The following SHROOM3 variants were observed in gnomAD, a reference collection of about 807,000 sequenced individuals.
SHROOM3 encodes the protein protein Shroom3.
In SHROOM3, 47 loss-of-function variants were observed where a neutral mutation model predicts 138.6. The ratio of observed to expected loss-of-function variants is 0.34; its 90% CI spans 0.27 to 0.43. The LOEUF (loss-of-function observed/expected upper bound fraction) is 0.43, where lower values mean the gene tolerates loss of function less well. Ranked by LOEUF, SHROOM3 falls within the 20% of genes least tolerant of loss-of-function variation. The pLI is 1.00. For synonymous variants in SHROOM3, 1,062 were observed against 1,063.3 expected, an observed-to-expected ratio of 1.00 and a Z score of 0.02; for missense variants, 2,491 against 2,596.5, an observed-to-expected ratio of 0.96 and a Z score of 0.88.
chr4:76,513,171 G>A (rs888337716), intron 1 of SHROOM3, among the ~76,000 whole-genome samples: 1 of 152,088 alleles, frequency 6.6e-6, no homozygotes, highest in African/African-American at 2.4e-5. Context: ...CTACTGTCGG[G>A]TCTTTCATGA....
chr4:76,694,518 A>T (rs1383721872), intron 2 of SHROOM3, among the ~76,000 whole-genome samples: 1 of 152,192 alleles, frequency 6.6e-6, no homozygotes, highest in Non-Finnish European at 1.5e-5. Flanking sequence ...GCAAAAACAA[A>T]ATGGTCTTAT....
intron 2 of SHROOM3, among the ~76,000 whole-genome samples, chr4:76,702,395 T>A (rs1380292605): frequency 6.6e-6 from 1 of 152,250 alleles, no homozygotes; most frequent in Non-Finnish European, 1.5e-5. Context: ...AAGTTTCAGT[T>A]CTACGGGTAA....
At chr4:76,468,918 C>T (rs1731305678) in intron 1 of SHROOM3, among the ~76,000 whole-genome samples, 1 of 151,830 alleles carries the variant, frequency 6.6e-6, no homozygotes, top group Admixed American at 6.6e-5. Context: ...ACTGTAGTCC[C>T]AGCTACTCGG....
At chr4:76,718,646 T>C (rs1720450736) in intron 3 of SHROOM3, among the ~76,000 whole-genome samples, 3 of 152,086 alleles carry the variant, frequency 2.0e-5, no homozygotes. Flanking sequence ...AATAGAGAAG[T>C]GAAAAATATA....
At chr4:76,442,472 C>T (rs1216960820) in intron 1 of SHROOM3, among the ~76,000 whole-genome samples, 9 of 141,930 alleles carry the variant, frequency 6.3e-5, no homozygotes, top group African/African-American at 1.8e-4. Flanking sequence ...TGCAGTGGTG[C>T]GATCTCGGGT....
chr4:76,663,677 A>C (rs1392105742), intron 2 of SHROOM3, among the ~76,000 whole-genome samples: 1 of 152,190 alleles, frequency 6.6e-6, no homozygotes, highest in East Asian at 1.9e-4. Context: ...TTATAGGTGC[A>C]CACTGCTGCG....
chr4:76,603,492 T>C (rs1203666825), intron 2 of SHROOM3, among the ~76,000 whole-genome samples: 1 of 152,154 alleles, frequency 6.6e-6, no homozygotes, highest in Non-Finnish European at 1.5e-5. Flanking sequence ...AGGACATCTA[T>C]TGATTGATTT....
intron 2 of SHROOM3, among the ~76,000 whole-genome samples, chr4:76,592,597 C>T (rs182879248): frequency 6.6e-6 from 1 of 152,282 alleles, no homozygotes; most frequent in East Asian, 1.9e-4. Flanking sequence ...TATATCGTCA[C>T]ACGTACAGAG....
At chr4:76,489,131 G>C (rs1731796760) in intron 1 of SHROOM3, among the ~76,000 whole-genome samples, 1 of 152,190 alleles carries the variant, frequency 6.6e-6, no homozygotes, top group African/African-American at 2.4e-5. Context: ...CATGACCTTT[G>C]CTGCTTGAAT....
intron 3 of SHROOM3, among the ~76,000 whole-genome samples, chr4:76,723,683 G>A (rs1720615936): frequency 6.6e-6 from 1 of 152,166 alleles, no homozygotes; most frequent in African/African-American, 2.4e-5. Flanking sequence ...AGATGCCTGG[G>A]TTTAGTAGCT....
At chr4:76,475,638 A>C (rs1483305555) in intron 1 of SHROOM3, among the ~76,000 whole-genome samples, 2 of 152,234 alleles carry the variant, frequency 1.3e-5, no homozygotes, top group Non-Finnish European at 1.5e-5. Flanking sequence ...CCTGTTTCTC[A>C]CATTGCTTTT....
chr4:76,524,428 G>T (rs937524707), intron 1 of SHROOM3, among the ~76,000 whole-genome samples: 2 of 152,204 alleles, frequency 1.3e-5, no homozygotes, highest in African/African-American at 4.8e-5. Context: ...ACTGACTGGG[G>T]TGGACAGGAG....
chr4:76,469,126 T>C (rs111557937), intron 1 of SHROOM3, among the ~76,000 whole-genome samples: 1 of 151,592 alleles, frequency 6.6e-6, no homozygotes, highest in Non-Finnish European at 1.5e-5. Context: ...TACTTGAACC[T>C]GGGAGGCGGA....
intron 2 of SHROOM3, among the ~76,000 whole-genome samples, chr4:76,681,044 T>C (rs953935865): frequency 6.6e-6 from 1 of 152,294 alleles, no homozygotes; most frequent in Admixed American, 6.5e-5. Flanking sequence ...AAAGTACAGA[T>C]CTTGAAGATG....
intron 2 of SHROOM3, among the ~76,000 whole-genome samples, chr4:76,659,530 C>T (rs948190321): frequency 1.3e-5 from 2 of 152,190 alleles, no homozygotes; most frequent in Non-Finnish European, 2.9e-5. Flanking sequence ...ATGTAACAAG[C>T]ACCAAAGTAT....
Position 76,767,688 on chromosome 4 carries a change from AAAC to A in SHROOM3, c.5350-2932_5350-2930del, listed in dbSNP as rs567448457. Reference sequence around the variant, plus strand: ...AGTGAAACTCCATCTCAAAAAAACAAAACAACAAAAAAAGCAGCCTCTAAGAGC... The same window carrying A: ...AGTGAAACTCCATCTCAAAAAAACAAAACAAAAAAAGCAGCCTCTAAGAGC... On this transcript the variant is annotated intron_variant, in intron 9 of 10. Coordinates refer to ENST00000296043, the MANE Select transcript of SHROOM3 (RefSeq NM_020859.4). Among the ~76,000 whole-genome samples the A allele has an allele frequency of 2.5e-3, 387 of 152,274 alleles. 2 individuals are homozygous for A. Among genetic ancestry groups the A allele is most frequent in the African/African-American group, 6.4e-3 (266 of 41,556 alleles).
intron 1 of SHROOM3, among the ~76,000 whole-genome samples, chr4:76,554,373 A>C (rs1424138098): frequency 6.6e-6 from 1 of 151,916 alleles, no homozygotes; most frequent in Non-Finnish European, 1.5e-5. Flanking sequence ...TAGAACAAAA[A>C]GTAAGGTAAG....
intron 2 of SHROOM3, among the ~76,000 whole-genome samples, chr4:76,703,144 T>A (rs184093105): frequency 7.2e-5 from 11 of 152,140 alleles, no homozygotes; most frequent in Admixed American, 4.6e-4. Context: ...GCTGAAGGGT[T>A]ATGTGTGGCC....
intron 2 of SHROOM3, among the ~76,000 whole-genome samples, chr4:76,635,429 A>G (rs563073072): frequency 3.0e-4 from 45 of 152,296 alleles, no homozygotes; most frequent in African/African-American, 1.0e-3. Context: ...CAGAACCAAA[A>G]AACAGTGTCT....
Sources: allele counts gnomAD v4.1 joint callset (sites outside exome capture counted in the v4.1 genomes callset), GRCh38; gene constraint gnomAD v4.1.1; transcripts MANE v1.5; gene names NCBI Gene and HGNC (gene_info 2026-07-23, HGNC 2026-07-21).